The following RABGAP1L variants were observed in gnomAD, a reference collection of about 807,000 sequenced individuals.
RABGAP1L encodes the protein RAB GTPase activating protein 1 like.
RABGAP1L carries 63 observed loss-of-function variants against 137.7 expected under a neutral mutation model. The ratio of observed to expected loss-of-function variants is 0.46; its 90% CI spans 0.37 to 0.56. RABGAP1L has a LOEUF of 0.56. Ranked by LOEUF, RABGAP1L falls within the 20% of genes least tolerant of loss-of-function variation. The pLI, the probability that RABGAP1L is intolerant of heterozygous loss-of-function variation, is 0.00. For synonymous variants in RABGAP1L, 431 were observed against 433.7 expected, an observed-to-expected ratio of 0.99 and a Z score of 0.08; for missense variants, 1,095 against 1,244.0, an observed-to-expected ratio of 0.88 and a Z score of 1.80.
intron 13 of RABGAP1L, among the ~76,000 whole-genome samples, chr1:174,423,433 CTTTA>C (rs1163368183): frequency 2.6e-5 from 4 of 152,072 alleles, no homozygotes; most frequent in Non-Finnish European, 5.9e-5. Context: ...ACTTTTGCTT[CTTTA>C]TTCTGTTCTG....
In RABGAP1L at chr1:174,951,781, C is replaced by T. The variant is rs139040982; in HGVS notation, c.2341-5676C>T. 1.1e-3 allele frequency among the ~76,000 whole-genome samples: 171 copies of T among 152,072 alleles called. No homozygotes were observed. The East Asian group carries it at 0.023, about 20-fold the overall frequency. ...AAATCATAAATGGGCCCAGGGATGC[C>T]ATGGGCTCAGAAATGGAGAGCGGAG... On this transcript the variant is annotated intron_variant, in intron 19 of 25. Transcript: ENST00000681986.
At position 174,278,789 on chromosome 1, in the gene RABGAP1L, T is replaced by C; in HGVS notation, c.1323+10T>C. ...CATGAGATTGAAACAGGTAGGACCT[T>C]TTTGTTCTCTTCATATATAGTAACA... On this transcript the variant is annotated intron_variant, in intron 10 of 25. Transcript: ENST00000681986. The C allele has an allele frequency of 6.6e-7, 1 of 1,507,586 alleles. No individual in the cohort carries two copies. Among genetic ancestry groups the C allele is most frequent in the Non-Finnish European group, 8.8e-7 (1 of 1,133,576 alleles). The allele number at this position is 1,507,586 out of a possible 1,614,324, so 93.4% of individuals were successfully genotyped here.
At chr1:174,889,726 C>T (rs1655806273) in intron 19 of RABGAP1L, among the ~76,000 whole-genome samples, 1 of 151,772 alleles carries the variant, frequency 6.6e-6, no homozygotes, top group South Asian at 2.1e-4. Flanking sequence ...CCACTGTGAC[C>T]AGCCTTTCTA....
chr1:174,432,610 T>C (rs1455635535), intron 13 of RABGAP1L, among the ~76,000 whole-genome samples: 1 of 152,202 alleles, frequency 6.6e-6, no homozygotes, highest in African/African-American at 2.4e-5. Flanking sequence ...TGATCTCAGC[T>C]GACTGCAACC....
intron 13 of RABGAP1L, among the ~76,000 whole-genome samples, chr1:174,539,188 C>G (rs113986535): frequency 2.4e-4 from 36 of 152,164 alleles, no homozygotes; most frequent in African/African-American, 8.4e-4. Flanking sequence ...ATAAATCATA[C>G]ATAGGCTTAG....
chr1:174,946,456 T>C (rs1380980060), intron 19 of RABGAP1L, among the ~76,000 whole-genome samples: 1 of 152,076 alleles, frequency 6.6e-6, no homozygotes, highest in Non-Finnish European at 1.5e-5. Context: ...CCTGGCAACA[T>C]AGTGAGACCC....
At chr1:174,299,557 A>G (rs1677464010) in intron 10 of RABGAP1L, among the ~76,000 whole-genome samples, 1 of 152,250 alleles carries the variant, frequency 6.6e-6, no homozygotes, top group Non-Finnish European at 1.5e-5. Context: ...ATAGTTTTCA[A>G]ATTCTGGCGG....
At chr1:174,634,993 C>G (rs1221174199) in intron 13 of RABGAP1L, among the ~76,000 whole-genome samples, 3 of 148,466 alleles carry the variant, frequency 2.0e-5, no homozygotes, top group Admixed American at 6.7e-5. Context: ...TGTATCTAAC[C>G]TGCACAATGT....
intron 14 of RABGAP1L, among the ~76,000 whole-genome samples, chr1:174,672,208 C>G (rs905052116): frequency 2.0e-5 from 3 of 150,720 alleles, no homozygotes; most frequent in Admixed American, 6.6e-5. Flanking sequence ...TCTTCTCTCA[C>G]TTTTTCTTAG....
chr1:174,699,147 CACACTCGGCT>C (rs1428031926), intron 15 of RABGAP1L, among the ~76,000 whole-genome samples: 1 of 152,046 alleles, frequency 6.6e-6, no homozygotes, highest in East Asian at 1.9e-4. Flanking sequence ...CTCATGTTGC[CACACTCGGCT>C]AATTTTTTTA....
At chr1:174,625,833 C>G (rs1027174628) in intron 13 of RABGAP1L, among the ~76,000 whole-genome samples, 4 of 151,898 alleles carry the variant, frequency 2.6e-5, no homozygotes, top group African/African-American at 9.7e-5. Context: ...TTCTCAAACC[C>G]TAGTTTTATC....
intron 10 of RABGAP1L, among the ~76,000 whole-genome samples, chr1:174,295,216 CTTT>C (rs1186475150): frequency 2.9e-5 from 4 of 136,892 alleles, no homozygotes; most frequent in Admixed American, 1.5e-4. Flanking sequence ...TGCGCCCGGA[CTTT>C]TTTTTTTTTT....
In RABGAP1L at chr1:174,883,115, C is replaced by T. The variant is rs116184457; in HGVS notation, c.2340+71155C>T. On this transcript the variant is annotated intron_variant, in intron 19 of 25. Transcript: ENST00000681986. The stretch of plus-strand genomic sequence containing the variant: ...TTGGGATTACAGGTGTGAGCCACCA[C>T]GCCTGGCCTCTACTGGGGGTTTTAA... 3.9e-3 allele frequency among the ~76,000 whole-genome samples: 592 copies of T among 152,222 alleles called. 5 individuals are homozygous for T. Among genetic ancestry groups the T allele is most frequent in the African/African-American group, 0.014 (570 of 41,548 alleles).
At chr1:174,784,926 G>A (rs1013436419) in intron 18 of RABGAP1L, among the ~76,000 whole-genome samples, 1 of 152,082 alleles carries the variant, frequency 6.6e-6, no homozygotes, top group Non-Finnish European at 1.5e-5. Context: ...AAAAAGTAAT[G>A]AAAGATGGCA....
intron 13 of RABGAP1L, among the ~76,000 whole-genome samples, chr1:174,551,019 T>TATATATATATATATAC (rs1553330337): frequency 2.6e-5 from 3 of 116,024 alleles, no homozygotes; most frequent in African/African-American, 1.2e-4. Context: ...TATATATATA[T>TATATATATATATATAC]ATACATACAC....
chr1:174,655,951 GT>G (rs904304012), intron 14 of RABGAP1L, among the ~76,000 whole-genome samples: 1 of 152,050 alleles, frequency 6.6e-6, no homozygotes, highest in African/African-American at 2.4e-5. Context: ...AAAGAGCCTT[GT>G]TTCCTTTAGT....
intron 13 of RABGAP1L, among the ~76,000 whole-genome samples, chr1:174,443,565 G>GT (rs556579672): frequency 1.7e-3 from 262 of 151,696 alleles, no homozygotes; most frequent in African/African-American, 5.2e-3. Context: ...CTTTTTAATA[G>GT]TTTTTTTCTG....
chr1:174,384,007 A>T lies in RABGAP1L; in HGVS notation c.1560-9988A>T, dbSNP rs866207680. On this transcript the variant is annotated intron_variant, in intron 12 of 25. Coordinates refer to ENST00000681986, the MANE Select transcript of RABGAP1L (RefSeq NM_001366446.1). ...GTTTATGATAGCCTTGCTCATAATC[A>T]CCCCAAACTGCAAACAACCCAAATG... is the stretch of plus-strand genomic sequence containing the variant. Among the ~76,000 whole-genome samples, 4 of 152,248 alleles carry T rather than the reference A, an allele frequency of 2.6e-5. No individual in the cohort carries two copies. In the South Asian group the frequency reaches 8.3e-4, roughly 32 times the overall value.
chr1:174,624,241 GC>G (rs1490046159), intron 13 of RABGAP1L, among the ~76,000 whole-genome samples: 2 of 152,220 alleles, frequency 1.3e-5, no homozygotes, highest in Non-Finnish European at 2.9e-5. Context: ...CCCAGCCCAG[GC>G]CCCATCTCCT....
Sources: allele counts gnomAD v4.1 joint callset (sites outside exome capture counted in the v4.1 genomes callset), GRCh38; gene constraint gnomAD v4.1.1; transcripts MANE v1.5; gene names NCBI Gene and HGNC (gene_info 2026-07-23, HGNC 2026-07-21).